NALCN: variants seen among roughly 807,000 people sequenced by gnomAD.
The protein encoded by NALCN is sodium leak channel, non-selective.
In NALCN, 111 loss-of-function variants were observed where a neutral mutation model predicts 225.3. That is an observed-to-expected ratio of 0.49 (90% CI 0.42 to 0.58). NALCN has a LOEUF of 0.58. Ranked by LOEUF, NALCN falls within the 20% of genes least tolerant of loss-of-function variation. NALCN has a pLI of 0.00. For synonymous variants in NALCN, 764 were observed against 769.0 expected (o/e 0.99, Z 0.11); for missense variants, 1,378 against 2,202.4 (o/e 0.63, Z 7.49).
chr13:101,338,876 G>T (rs981163445), intron 7 of NALCN, among the ~76,000 whole-genome samples: 1 of 152,196 alleles, frequency 6.6e-6, no homozygotes, highest in Non-Finnish European at 1.5e-5. Flanking sequence ...TGCAAATCTG[G>T]AGAAGTGAGT....
intron 7 of NALCN, among the ~76,000 whole-genome samples, chr13:101,319,245 G>T (rs2044661570): frequency 6.6e-6 from 1 of 152,236 alleles, no homozygotes; most frequent in Middle Eastern, 3.4e-3. Flanking sequence ...GTCCTAACCT[G>T]CTATAGTCAG....
Position 101,055,335 on chromosome 13 carries a change from A to G in NALCN, c.5177T>C (p.Val1726Ala), listed in dbSNP as rs2031079874. 6.2e-7 allele frequency: 1 copy of G among 1,614,036 alleles called. No homozygotes were observed. The highest frequency in any genetic ancestry group is 8.5e-7 in the Non-Finnish European group (1 of 1,179,954). The change falls in exon 44 of 44, where the codon GTG (valine) becomes GCG (alanine). Residue 1726 changes from valine (V) to alanine (A), a missense_variant. Val to Ala is a moderately conservative substitution (Grantham distance 64, BLOSUM62 0). Transcript: ENST00000251127. Reference sequence around the variant, plus strand: ...GTCATCCCCACTTTCGTCGCTCTCCACAGTCAGCTGCCGGGTCCACCACTT... The same window carrying G: ...GTCATCCCCACTTTCGTCGCTCTCCGCAGTCAGCTGCCGGGTCCACCACTT... ...VKKWWTRQLT[V>A]ESDESGDDLL...
intron 7 of NALCN, among the ~76,000 whole-genome samples, chr13:101,294,185 C>T (rs369476279): frequency 6.6e-6 from 1 of 152,054 alleles, no homozygotes; most frequent in African/African-American, 2.4e-5. Context: ...TTGATTGAGA[C>T]TGGGGCTTTA....
chr13:101,234,267 G>A (rs1323914346), intron 12 of NALCN, among the ~76,000 whole-genome samples: 1 of 152,154 alleles, frequency 6.6e-6, no homozygotes, highest in African/African-American at 2.4e-5. Context: ...TTTGTCCACT[G>A]CTCCATCTTC....
At chr13:101,411,410 T>A (rs1302463165) in intron 1 of NALCN, among the ~76,000 whole-genome samples, 4 of 151,096 alleles carry the variant, frequency 2.6e-5, no homozygotes, top group Non-Finnish European at 5.9e-5. Flanking sequence ...ATGCGTGATC[T>A]CGGCTCGCTG....
chr13:101,237,109 T>C (rs1161806432), intron 12 of NALCN, among the ~76,000 whole-genome samples: 1 of 151,838 alleles, frequency 6.6e-6, no homozygotes, highest in East Asian at 1.9e-4. Context: ...TATTCAATAA[T>C]AACAAAGAAT....
chr13:101,307,684 AG>A (rs2044198936), intron 7 of NALCN, among the ~76,000 whole-genome samples: 1 of 152,210 alleles, frequency 6.6e-6, no homozygotes, highest in African/African-American at 2.4e-5. Context: ...AGAAAAGGGA[AG>A]GGAGGAGGGG....
intron 18 of NALCN, among the ~76,000 whole-genome samples, chr13:101,114,146 T>A (rs1162483124): frequency 6.6e-6 from 1 of 152,148 alleles, no homozygotes; most frequent in African/African-American, 2.4e-5. Context: ...AAACATAAGC[T>A]TTAAAAGCAC....
At chr13:101,158,269 C>T (rs2038001221) in intron 15 of NALCN, among the ~76,000 whole-genome samples, 1 of 152,226 alleles carries the variant, frequency 6.6e-6, no homozygotes, top group African/African-American at 2.4e-5. Flanking sequence ...TTACTCTGGT[C>T]TTCCGCAGCC....
chr13:101,205,037 G>C (rs1041143820), intron 13 of NALCN, among the ~76,000 whole-genome samples: 1 of 152,096 alleles, frequency 6.6e-6, no homozygotes, highest in African/African-American at 2.4e-5. Context: ...GTGTTGCTCA[G>C]TATCCAGGCT....
intron 28 of NALCN, among the ~76,000 whole-genome samples, chr13:101,092,309 A>C (rs2139561815): frequency 6.6e-6 from 1 of 152,304 alleles, no homozygotes; most frequent in East Asian, 1.9e-4. Flanking sequence ...TGAAGACGTG[A>C]CTGAGCGTCT....
chr13:101,400,553 GTGTGTGTGT>G (rs1485942397), intron 1 of NALCN, among the ~76,000 whole-genome samples: 1 of 116,100 alleles, frequency 8.6e-6, no homozygotes, highest in African/African-American at 3.5e-5. Context: ...CAGTGTGTGT[GTGTGTGTGT>G]GTGTGTGTGT....
intron 13 of NALCN, among the ~76,000 whole-genome samples, chr13:101,226,426 A>G (rs542192566): frequency 6.6e-6 from 1 of 152,282 alleles, no homozygotes; most frequent in South Asian, 2.1e-4. Flanking sequence ...TCTCCAAAAT[A>G]AATCTGTCTT....
Position 101,105,834 on chromosome 13 carries a change from C to T in NALCN, c.2580-884G>A, listed in dbSNP as rs545525887. On this transcript the variant is annotated intron_variant, in intron 22 of 43. Coordinates refer to ENST00000251127, the MANE Select transcript of NALCN (RefSeq NM_052867.4). ...AGTAGCTGGGTCCCTGAGCAAAGCC[C>T]TCAACTTCTGCACGCTTAAATGTCC... 2.6e-5 allele frequency among the ~76,000 whole-genome samples: 4 copies of T among 152,230 alleles called. 1 individual carries two copies. The South Asian group carries it at 6.2e-4, about 24-fold the overall frequency.
At chr13:101,311,605 G>C (rs1466763378) in intron 7 of NALCN, among the ~76,000 whole-genome samples, 22 of 152,070 alleles carry the variant, frequency 1.4e-4, no homozygotes, top group African/African-American at 3.9e-4. Flanking sequence ...TTTTCTGCAT[G>C]TATTGAGATA....
chr13:101,313,010 C>A (rs1049343866), intron 7 of NALCN, among the ~76,000 whole-genome samples: 1 of 152,016 alleles, frequency 6.6e-6, no homozygotes, highest in Non-Finnish European at 1.5e-5. Context: ...CAGAACAGAG[C>A]CCTCAGAAAT....
chr13:101,227,318 C>T (rs1019406280), intron 13 of NALCN, among the ~76,000 whole-genome samples: 10 of 152,126 alleles, frequency 6.6e-5, no homozygotes, highest in Admixed American at 2.0e-4. Flanking sequence ...ACTTAAACAT[C>T]GTATGTAAGT....
intron 7 of NALCN, among the ~76,000 whole-genome samples, chr13:101,311,977 A>T (rs1021734697): frequency 1.3e-4 from 20 of 151,740 alleles, no homozygotes; most frequent in African/African-American, 4.8e-4. Context: ...TCGGCTGTGA[A>T]TCCATCTGGT....
chr13:101,164,727 T>G (rs2038356866), intron 15 of NALCN, among the ~76,000 whole-genome samples: 1 of 152,232 alleles, frequency 6.6e-6, no homozygotes, highest in Non-Finnish European at 1.5e-5. Context: ...TATGTCTTAG[T>G]GTGACAGAGA....
Sources: allele counts gnomAD v4.1 joint callset (sites outside exome capture counted in the v4.1 genomes callset), GRCh38; gene constraint gnomAD v4.1.1; transcripts MANE v1.5; gene names NCBI Gene and HGNC (gene_info 2026-07-23, HGNC 2026-07-21).